Variants in PUDP observed in about 807,000 individuals in gnomAD.
The protein encoded by PUDP is pseudouridine-5'-phosphatase.
A neutral mutation model predicts 9.4 loss-of-function variants in PUDP; 8 were observed. That is an observed-to-expected ratio of 0.85 (90% CI 0.50 to 1.53). The LOEUF (loss-of-function observed/expected upper bound fraction) is 1.53. Ranked by LOEUF, PUDP falls within the 40% of genes most tolerant of loss-of-function variation. PUDP has a pLI of 0.00. For missense variants in PUDP, 188 were observed against 189.7 expected (o/e 0.99, Z 0.05); for synonymous variants, 99 against 80.7 (o/e 1.23, Z -1.22).
chrX:6,727,281 G>T (rs1355546167), intron 3 of PUDP, among the ~76,000 whole-genome samples: 1 of 111,529 alleles, frequency 9.0e-6, no homozygotes, highest in Non-Finnish European at 1.9e-5. Context: ...ATTGATAAAT[G>T]GGCTATAATT....
At chrX:6,762,936 A>G (rs1311843291) in intron 3 of PUDP, among the ~76,000 whole-genome samples, 1 of 112,108 alleles carries the variant, frequency 8.9e-6, no homozygotes, top group African/African-American at 3.2e-5. Context: ...TCAATATTAT[A>G]TTGTGAGCAT....
At position 7,092,865 on chromosome X, in the gene PUDP, A is replaced by C. The variant is rs181965174; in HGVS notation, c.280+12755T>G. On this transcript the variant is annotated intron_variant, in intron 2 of 3. Coordinates refer to ENST00000381077, the MANE Select transcript of PUDP (RefSeq NM_012080.5). ...GCACTTATCCACAACACTTATGTGA[A>C]AAACCACATTTGTGTCTACTCACTA... Among the ~76,000 whole-genome samples, 175 of 112,397 alleles carry C rather than the reference A, an allele frequency of 1.6e-3. 1 individual carries two copies. The highest frequency in any genetic ancestry group is 5.2e-3 in the African/African-American group (160 of 30,887).
chrX:6,945,447 T>C (rs1413550832), intron 3 of PUDP, among the ~76,000 whole-genome samples: 1 of 112,102 alleles, frequency 8.9e-6, no homozygotes. Flanking sequence ...AAATCTAATA[T>C]GTTTGTATTT....
At chrX:7,015,491 C>T (rs1039251188) in intron 1 of PUDP, among the ~76,000 whole-genome samples, 2 of 111,669 alleles carry the variant, frequency 1.8e-5, no homozygotes, top group African/African-American at 3.3e-5. Flanking sequence ...TCAGGAAGGG[C>T]GAGAGGACCA....
intron 1 of PUDP, among the ~76,000 whole-genome samples, chrX:7,042,395 A>G (rs1929933805): frequency 8.9e-6 from 1 of 111,747 alleles, no homozygotes; most frequent in African/African-American, 3.3e-5. Context: ...CTCACCTGAG[A>G]TCTATCTACT....
chrX:6,849,254 C>T (rs748213104), intron 3 of PUDP, among the ~76,000 whole-genome samples: 4 of 112,279 alleles, frequency 3.6e-5, no homozygotes, highest in Non-Finnish European at 7.5e-5. Context: ...GTGGGTCATG[C>T]GAGCAAGTGT....
At chrX:7,140,973 C>T (rs1374406473) in intron 1 of PUDP, among the ~76,000 whole-genome samples, 1 of 111,383 alleles carries the variant, frequency 9.0e-6, no homozygotes, top group African/African-American at 3.3e-5. Flanking sequence ...TGAACCGCAC[C>T]CATATAAGTC....
intron 1 of PUDP, among the ~76,000 whole-genome samples, chrX:7,040,485 C>T (rs1929906962): frequency 2.0e-5 from 2 of 99,872 alleles, no homozygotes; most frequent in Admixed American, 2.2e-4. Flanking sequence ...TGATTTGCCT[C>T]CAGACACTGG....
At chrX:7,129,186 C>T (rs1932557794) in intron 1 of PUDP, among the ~76,000 whole-genome samples, 1 of 111,792 alleles carries the variant, frequency 8.9e-6, no homozygotes, top group African/African-American at 3.3e-5. Flanking sequence ...ATTTCATTAC[C>T]AACATTTAAT....
chrX:6,825,105 G>A (rs1926404388), intron 3 of PUDP, among the ~76,000 whole-genome samples: 1 of 111,695 alleles, frequency 9.0e-6, no homozygotes, highest in African/African-American at 3.3e-5. Context: ...TGGAGCAAGG[G>A]ATTCAGCCAC....
At chrX:7,109,894 A>G (rs1931990675) in intron 1 of PUDP, among the ~76,000 whole-genome samples, 1 of 112,790 alleles carries the variant, frequency 8.9e-6, no homozygotes, top group Non-Finnish European at 1.9e-5. Context: ...GAAAGGTCAT[A>G]TTGTTTTTAA....
At chrX:6,921,260 C>CA (rs1928018135) in intron 3 of PUDP, among the ~76,000 whole-genome samples, 1 of 110,023 alleles carries the variant, frequency 9.1e-6, no homozygotes, top group African/African-American at 3.3e-5. Context: ...GCACAAACCC[C>CA]TGGCCCCAGC....
intron 2 of PUDP, among the ~76,000 whole-genome samples, chrX:7,080,770 G>C (rs1055503315): frequency 2.7e-5 from 3 of 110,609 alleles, no homozygotes; most frequent in African/African-American, 9.9e-5. Context: ...TTTTAAAAAA[G>C]AGACAGTCAC....
intron 2 of PUDP, among the ~76,000 whole-genome samples, chrX:7,080,813 G>T (rs748681455): frequency 9.1e-5 from 10 of 109,307 alleles, no homozygotes; most frequent in Non-Finnish European, 1.9e-4. Flanking sequence ...CCGTTACTTG[G>T]GAGGCAGAGG....
chrX:7,010,414 G>A (rs1250219653), intron 1 of PUDP, among the ~76,000 whole-genome samples: 1 of 111,950 alleles, frequency 8.9e-6, no homozygotes, highest in Non-Finnish European at 1.9e-5. Context: ...CACTGCGGAT[G>A]CTGTACCAAG....
At chrX:7,109,214 T>C (rs968556975) in intron 1 of PUDP, among the ~76,000 whole-genome samples, 9 of 111,910 alleles carry the variant, frequency 8.0e-5, no homozygotes, top group African/African-American at 2.9e-4. Flanking sequence ...TCTTCTTCTC[T>C]GTGAGGGGGA....
chrX:6,973,086 AT>A (rs1928902357), intron 3 of PUDP, among the ~76,000 whole-genome samples: 1 of 110,944 alleles, frequency 9.0e-6, no homozygotes, highest in Admixed American at 9.6e-5. Flanking sequence ...TGTCTATTTG[AT>A]TCTTCTCTCT....
intron 3 of PUDP, among the ~76,000 whole-genome samples, chrX:6,834,316 T>C (rs768811922): frequency 9.4e-4 from 105 of 111,995 alleles, no homozygotes; most frequent in African/African-American, 3.3e-3. Flanking sequence ...TTTCTTCATG[T>C]TCTCTAATCA....
intron 1 of PUDP, among the ~76,000 whole-genome samples, chrX:6,979,319 T>A (rs1463884372): frequency 9.0e-6 from 1 of 111,356 alleles, no homozygotes; most frequent in Non-Finnish European, 1.9e-5. Context: ...CACCACCTCC[T>A]CCACACACAT....
Sources: gnomAD v4.1 joint callset for allele counts (sites outside exome capture counted in the v4.1 genomes callset) on GRCh38, gnomAD v4.1.1 for gene constraint, MANE v1.5 for transcripts, NCBI Gene and HGNC (gene_info 2026-07-23, HGNC 2026-07-21) for gene names.